Variants in PCDHGA11 observed in about 807,000 individuals in gnomAD.
PCDHGA11 encodes protocadherin gamma-A11.
Under a neutral mutation model 60.4 loss-of-function variants are expected in PCDHGA11, and 39 were observed. The observed-to-expected ratio is 0.65, with a 90% confidence interval of 0.50 to 0.84. The LOEUF is 0.84. Among genes scored for constraint, PCDHGA11 ranks in the 40% least tolerant of loss-of-function variants. The pLI, the probability that PCDHGA11 is intolerant of heterozygous loss-of-function variation, is 0.00. For synonymous variants in PCDHGA11, 533 were observed against 510.3 expected (o/e 1.04, Z -0.60); for missense variants, 1,165 against 1,197.7 (o/e 0.97, Z 0.40).
At chr5:141,469,807 T>C (rs1294838215) in intron 1 of PCDHGA11, among the ~76,000 whole-genome samples, 1 of 152,070 alleles carries the variant, frequency 6.6e-6, no homozygotes, top group African/African-American at 2.4e-5. Context: ...AAAAACATTG[T>C]AGATAGAATG....
At chr5:141,438,649 CACATATATGTAT>C (rs1346265042) in intron 1 of PCDHGA11, among the ~76,000 whole-genome samples, 20 of 100,970 alleles carry the variant, frequency 2.0e-4, no homozygotes, top group Admixed American at 2.1e-4. Flanking sequence ...CACACACACA[CACATATATGTAT>C]ATATATATTT....
At chr5:141,502,946 C>T (rs900624216) in intron 2 of PCDHGA11, among the ~76,000 whole-genome samples, 13 of 145,572 alleles carry the variant, frequency 8.9e-5, no homozygotes, top group African/African-American at 2.6e-4. Flanking sequence ...TGGGTTCAAG[C>T]GATTCTCCTG....
rs2096754933 is a variant in PCDHGA11 at position 141,423,564 on chromosome 5, G to A, written c.2337G>A (p.Thr779=). 2 of 1,613,444 alleles carry A rather than the reference G, an allele frequency of 1.2e-6. No homozygotes were observed. The highest frequency in any genetic ancestry group is 1.7e-6 in the Non-Finnish European group (2 of 1,179,656). Residue 779 remains threonine (T), a synonymous_variant, in exon 1 of 4, where the codon ACG becomes ACA. Coordinates refer to ENST00000398587, the MANE Select transcript of PCDHGA11 (RefSeq NM_018914.3). The stretch of plus-strand genomic sequence containing the variant: ...TCCCCCAGCCCAACTATGGGGACAC[G>A]CTCATCAGCCAGGAGAGCTGTGAGA... ...LIFPQPNYGD[T]LISQESCEKS...
intron 1 of PCDHGA11, chr5:141,424,664 A>T (rs923488035): frequency 6.6e-6 from 1 of 152,124 alleles, no homozygotes; most frequent in African/African-American, 2.4e-5. Flanking sequence ...CTTTAATTAA[A>T]CTGATTTAGC....
chr5:141,460,649 A>G (rs1171722531), intron 1 of PCDHGA11, among the ~76,000 whole-genome samples: 2 of 152,152 alleles, frequency 1.3e-5, no homozygotes, highest in Non-Finnish European at 2.9e-5. Flanking sequence ...GTGTTTACAC[A>G]TATGTAACTG....
chr5:141,477,219 G>A lies in PCDHGA11; in HGVS notation c.2434-17588G>A. ...CCAGTACCCGAGGATGCCCCTCTGG[G>A]GACTGTCATCGCTTTGCTCAGTGTG... On this transcript the variant is annotated intron_variant, in intron 1 of 3. Coordinates refer to ENST00000398587, the MANE Select transcript of PCDHGA11 (RefSeq NM_018914.3). The surrounding 1 kb of genome is among the most constrained non-coding windows in gnomAD (Gnocchi z 4.9). 1 of 1,614,162 alleles carries A rather than the reference G, an allele frequency of 6.2e-7. No homozygotes were observed. The highest frequency in any genetic ancestry group is 8.5e-7 in the Non-Finnish European group (1 of 1,180,038).
intron 1 of PCDHGA11, among the ~76,000 whole-genome samples, chr5:141,483,340 C>T (rs906468552): frequency 5.9e-5 from 9 of 152,036 alleles, no homozygotes; most frequent in Non-Finnish European, 1.2e-4. Flanking sequence ...GATCTTATCT[C>T]TTTGCAATAG....
rs553673516 is a variant in PCDHGA11, at chr5:141,476,211, T to C, written c.2434-18596T>C. The C allele has an allele frequency of 5.4e-5, 87 of 1,613,942 alleles. No individual in the cohort carries two copies. The highest frequency in any genetic ancestry group is 7.0e-5 in the Non-Finnish European group (83 of 1,180,000). ...GGTGCCTTGAACAAGGCTTCCACGG[T>C]CATTCACTATGAGATCCCGGAGGAA... On this transcript the variant is annotated intron_variant, in intron 1 of 3. Coordinates refer to ENST00000398587, the MANE Select transcript of PCDHGA11 (RefSeq NM_018914.3). The surrounding 1 kb of genome is among the most constrained non-coding windows in gnomAD (Gnocchi z 7.6).
intron 1 of PCDHGA11, among the ~76,000 whole-genome samples, chr5:141,446,827 C>A (rs922071842): frequency 6.6e-6 from 1 of 152,114 alleles, no homozygotes; most frequent in Non-Finnish European, 1.5e-5. Context: ...TGGGTAGATC[C>A]TTATAAGGCT....
At chr5:141,494,938 G>A in intron 2 of PCDHGA11, 73 bp downstream of exon 2, 1 of 1,611,916 alleles carries the variant, frequency 6.2e-7, no homozygotes, top group South Asian at 1.1e-5. Context: ...AGGAGATGGG[G>A]GAGGGCCCAG....
At chr5:141,455,449 G>A (rs1421095381) in intron 1 of PCDHGA11, among the ~76,000 whole-genome samples, 1 of 152,126 alleles carries the variant, frequency 6.6e-6, no homozygotes, top group Non-Finnish European at 1.5e-5. Flanking sequence ...CATCTACCGC[G>A]GATACCAGCC....
chr5:141,478,326 C>T, intron 1 of PCDHGA11: 1 of 1,613,950 alleles, frequency 6.2e-7, no homozygotes, highest in Admixed American at 1.7e-5. Flanking sequence ...CTGTACCGAA[C>T]ACCAGGGCCC....
Position 141,487,291 on chromosome 5 carries a change from C to T in PCDHGA11, c.2434-7516C>T, listed in dbSNP as rs748961925. The stretch of plus-strand genomic sequence containing the variant: ...TGGCAATTTGCTTTGTCTCCTTTGG[C>T]TCATTCGTGGCACTACTCTCTAAGT... On this transcript the variant is annotated intron_variant, in intron 1 of 3. Transcript: ENST00000398587. This position sits in a 1 kb window ranked among gnomAD's most constrained non-coding sequence, Gnocchi z 5.0. The T allele has an allele frequency of 1.9e-5, 30 of 1,614,036 alleles. No homozygotes were observed. Among genetic ancestry groups the T allele is most frequent in the Non-Finnish European group, 2.5e-5 (30 of 1,180,020 alleles).
Position 141,486,453 on chromosome 5 carries a change from C to T in PCDHGA11, c.2434-8354C>T, listed in dbSNP as rs776820667. 6.2e-6 allele frequency: 10 copies of T among 1,614,114 alleles called. No homozygotes were observed. The highest frequency in any genetic ancestry group is 1.1e-5 in the South Asian group (1 of 91,082). On this transcript the variant is annotated intron_variant, in intron 1 of 3. Transcript: ENST00000398587. The surrounding 1 kb of genome is among the most constrained non-coding windows in gnomAD (Gnocchi z 5.0). ...TCTAGCTATGACATCATGGTCACTGCTTCTGATGCTGGGAACCCTCCTCTC... is the reference window on the plus strand; with the variant it reads ...TCTAGCTATGACATCATGGTCACTGTTTCTGATGCTGGGAACCCTCCTCTC...
At chr5:141,458,434 G>T (rs535464730) in intron 1 of PCDHGA11, among the ~76,000 whole-genome samples, 1 of 152,198 alleles carries the variant, frequency 6.6e-6, no homozygotes, top group African/African-American at 2.4e-5. Context: ...GAAAGAGGAG[G>T]TCCCCCACAT....
intron 1 of PCDHGA11, among the ~76,000 whole-genome samples, chr5:141,467,288 A>G (rs1322298174): frequency 6.6e-6 from 1 of 152,084 alleles, no homozygotes; most frequent in Non-Finnish European, 1.5e-5. Context: ...CTTGACCTCA[A>G]GTGATCCACT....
At chr5:141,446,595 GCCTCC>G (rs2098508132) in intron 1 of PCDHGA11, among the ~76,000 whole-genome samples, 2 of 152,012 alleles carry the variant, frequency 1.3e-5, no homozygotes, top group South Asian at 4.1e-4. Context: ...TTCTGCCTCA[GCCTCC>G]TGAGTAGCTG....
rs539878473 is a variant in PCDHGA11 at position 141,501,595 on chromosome 5, C to T, written c.2493-3798C>T. Reference sequence around the variant, plus strand: ...GCTGGCTTTCAGGTTGCAACTCTACCAGTTCCAGCTGTGTGACTCTGGTAT... The same window carrying T: ...GCTGGCTTTCAGGTTGCAACTCTACTAGTTCCAGCTGTGTGACTCTGGTAT... On this transcript the variant is annotated intron_variant, in intron 2 of 3. Coordinates refer to ENST00000398587, the MANE Select transcript of PCDHGA11 (RefSeq NM_018914.3). Among the ~76,000 whole-genome samples the T allele has an allele frequency of 9.9e-5, 15 of 152,164 alleles. No homozygotes were observed. In the East Asian group the frequency reaches 2.9e-3, roughly 30 times the overall value.
chr5:141,454,010 G>A (rs998092071), intron 1 of PCDHGA11, among the ~76,000 whole-genome samples: 2 of 152,146 alleles, frequency 1.3e-5, no homozygotes, highest in African/African-American at 4.8e-5. Context: ...TAACATTTTA[G>A]AAAAATGTAT....
Sources: allele counts gnomAD v4.1 joint callset (sites outside exome capture counted in the v4.1 genomes callset), GRCh38; gene constraint gnomAD v4.1.1; non-coding constraint Gnocchi (gnomAD v3.1); transcripts MANE v1.5; gene names NCBI Gene and HGNC (gene_info 2026-07-23, HGNC 2026-07-21).